The following STX1A variants were observed in gnomAD, a reference collection of about 807,000 sequenced individuals.
STX1A encodes syntaxin 1A.
STX1A carries 4 observed loss-of-function variants against 37.8 expected under a neutral mutation model. The observed-to-expected ratio is 0.11, with a 90% confidence interval of 0.05 to 0.24. The LOEUF (loss-of-function observed/expected upper bound fraction) is 0.24, where lower values mean the gene tolerates loss of function less well. Ranked by LOEUF, STX1A falls within the 10% of genes least tolerant of loss-of-function variation. The pLI, the probability that STX1A is intolerant of heterozygous loss-of-function variation, is 1.00. For synonymous variants in STX1A, 135 were observed against 147.4 expected (o/e 0.92, Z 0.61); for missense variants, 251 against 399.9 (o/e 0.63, Z 3.18).
rs1554616087 is a variant in STX1A at position 73,702,787 on chromosome 7, G to C, written c.678+58C>G. ...GTGTCGGGCAGAAAGGGCGAGGTTAGTGCAGCCCTGGGTGCTGGTGTGGGC... is the reference window on the plus strand; with the variant it reads ...GTGTCGGGCAGAAAGGGCGAGGTTACTGCAGCCCTGGGTGCTGGTGTGGGC... On this transcript the variant is annotated intron_variant, in intron 8 of 9. Coordinates refer to ENST00000222812, the MANE Select transcript of STX1A (RefSeq NM_004603.4). The surrounding 1 kb of genome is among the most constrained non-coding windows in gnomAD (Gnocchi z 4.7). 6.2e-7 allele frequency: 1 copy of C among 1,612,552 alleles called. No homozygotes were observed. Among genetic ancestry groups the C allele is most frequent in the Admixed American group, 1.7e-5 (1 of 59,964 alleles).
intron 8 of STX1A, 167 bp from the exon 9 acceptor site, chr7:73,701,007 G>C: frequency 7.2e-7 from 1 of 1,391,798 alleles, no homozygotes; most frequent in Non-Finnish European, 9.6e-7. Context: ...GTGGGGTGTA[G>C]AGGGCCAGGC....
chr7:73,705,342 C>A lies in STX1A; in HGVS notation c.209-118G>T. The A allele has an allele frequency of 1.2e-6, 1 of 839,446 alleles. No homozygotes were observed. The highest frequency in any genetic ancestry group is 2.0e-6 in the Non-Finnish European group (1 of 504,090). The allele number at this position is 839,446 out of a possible 1,614,324, so 52.0% of individuals were successfully genotyped here. ...GCTCTGGGAAGATCCCTGTTCTCCC[C>A]TGTTCCCCTGGCTAAGGCTCTGCCT... On this transcript the variant is annotated intron_variant, in intron 3 of 9. Coordinates refer to ENST00000222812, the MANE Select transcript of STX1A (RefSeq NM_004603.4). This position sits in a 1 kb window ranked among gnomAD's most constrained non-coding sequence, Gnocchi z 5.2.
intron 4 of STX1A, 70 bp from the exon 5 acceptor site, chr7:73,704,493 C>T (rs1310851219): frequency 1.3e-6 from 2 of 1,583,152 alleles, no homozygotes; most frequent in African/African-American, 1.3e-5. Context: ...GCACACCCAG[C>T]ATCTATCCAC....
At chr7:73,714,259 C>T (rs936055539) in intron 1 of STX1A, among the ~76,000 whole-genome samples, 1 of 152,152 alleles carries the variant, frequency 6.6e-6, no homozygotes, top group African/African-American at 2.4e-5. Flanking sequence ...CAGGCACCCG[C>T]ACCACACCCG....
Position 73,700,638 on chromosome 7 carries a change from A to C in STX1A, c.789+92T>G. The C allele has an allele frequency of 1.3e-6, 2 of 1,540,754 alleles. No individual in the cohort carries two copies. Among genetic ancestry groups the C allele is most frequent in the Admixed American group, 3.6e-5 (2 of 54,830 alleles). On this transcript the variant is annotated intron_variant, in intron 9 of 9. Transcript: ENST00000222812. The surrounding 1 kb of genome is among the most constrained non-coding windows in gnomAD (Gnocchi z 4.4). ...GCTGTCATGGGGAGCTCCTGAGAGA[A>C]GGGAGAGAGGTGGGATGGGGAGGGA...
At position 73,700,853 on chromosome 7, in the gene STX1A, G is replaced by A. The variant is rs1554615758; in HGVS notation, c.679-13C>T. The A allele has an allele frequency of 5.0e-6, 8 of 1,612,354 alleles. No individual in the cohort carries two copies. Among genetic ancestry groups the A allele is most frequent in the Non-Finnish European group, 6.8e-6 (8 of 1,179,950 alleles). ...CAATCATCTCTCCCTGCGGGGCCGG[G>A]GGCACCCGAGCTCCAGAGGGCCCCC... On this transcript the variant is annotated splice_polypyrimidine_tract_variant and intron_variant, in intron 8 of 9. Transcript: ENST00000222812. The surrounding 1 kb of genome is among the most constrained non-coding windows in gnomAD (Gnocchi z 4.4).
chr7:73,707,983 C>T (rs1304872637), intron 3 of STX1A, among the ~76,000 whole-genome samples: 6 of 137,254 alleles, frequency 4.4e-5, no homozygotes, highest in Non-Finnish European at 4.7e-5. Context: ...AAAGCCAGTT[C>T]GGCTGGGCGC....
chr7:73,714,014 T>G (rs1799196049), intron 1 of STX1A, among the ~76,000 whole-genome samples: 2 of 152,186 alleles, frequency 1.3e-5, no homozygotes, highest in Admixed American at 6.5e-5. Flanking sequence ...CCCCATCCTC[T>G]GAACTGCCTA....
chr7:73,703,005 G>A, intron 7 of STX1A, 23 bp from the exon 8 acceptor site: 1 of 1,571,808 alleles, frequency 6.4e-7, no homozygotes, highest in African/African-American at 1.3e-5. Context: ...GCAGGGGGCT[G>A]GGACCCAGAG....
At chr7:73,715,752 T>C (rs1200697370) in intron 1 of STX1A, among the ~76,000 whole-genome samples, 2 of 152,242 alleles carry the variant, frequency 1.3e-5, no homozygotes, top group South Asian at 4.1e-4. Context: ...GTGGCTGTTG[T>C]CTGCCTCGAG....
chr7:73,708,958 G>C lies in STX1A; in HGVS notation c.108+87C>G, dbSNP rs1053569599. Reference sequence around the variant, plus strand: ...GAGCTGCTGAGCCAGGTGCAGGTGTGAAAGAGCACTGAACCTGGCTCAGAG... The same window carrying C: ...GAGCTGCTGAGCCAGGTGCAGGTGTCAAAGAGCACTGAACCTGGCTCAGAG... On this transcript the variant is annotated intron_variant, in intron 2 of 9. Transcript: ENST00000222812. 6.9e-6 allele frequency: 10 copies of C among 1,445,812 alleles called. No individual in the cohort carries two copies. In the East Asian group the frequency reaches 2.3e-4, roughly 33 times the overall value. 89.6% of individuals were successfully genotyped at this position (1,445,812 alleles called of 1,614,324 possible).
intron 1 of STX1A, among the ~76,000 whole-genome samples, chr7:73,715,362 C>A (rs1445951882): frequency 9.2e-5 from 14 of 151,890 alleles, no homozygotes; most frequent in Non-Finnish European, 1.5e-5. Context: ...GTGGAGGCTG[C>A]AGTGAGCTGA....
Position 73,702,576 on chromosome 7 carries a change from A to C in STX1A, c.678+269T>G. 9.8e-7 allele frequency: 1 copy of C among 1,019,816 alleles called. No individual in the cohort carries two copies. Among genetic ancestry groups the C allele is most frequent in the Admixed American group, 3.1e-5 (1 of 31,806 alleles). The allele number at this position is 1,019,816 out of a possible 1,614,324, so 63.2% of individuals were successfully genotyped here. ...CGTGGCCCACAGTGGCCCCATGAGG[A>C]AACAGTAGTAGGGGAATGAGAGACG... On this transcript the variant is annotated intron_variant, in intron 8 of 9. Transcript: ENST00000222812. This position sits in a 1 kb window ranked among gnomAD's most constrained non-coding sequence, Gnocchi z 4.7.
rs537917711 is a variant in STX1A, at chr7:73,709,990, C to T, written c.31-868G>A. On this transcript the variant is annotated intron_variant, in intron 1 of 9. Transcript: ENST00000222812. This position sits in a 1 kb window ranked among gnomAD's most constrained non-coding sequence, Gnocchi z 4.2. Reference sequence around the variant, plus strand: ...CAAGCGATCCTCCTGCCTCAGCCTTCCAAAGCACTGGGATTGTAGGTGTGA... The same window carrying T: ...CAAGCGATCCTCCTGCCTCAGCCTTTCAAAGCACTGGGATTGTAGGTGTGA... Among the ~76,000 whole-genome samples, 5 of 152,356 alleles carry T rather than the reference C, an allele frequency of 3.3e-5. No homozygotes were observed. The South Asian group carries it at 8.3e-4, about 25-fold the overall frequency.
chr7:73,714,785 A>AC (rs1419687283), intron 1 of STX1A, among the ~76,000 whole-genome samples: 1 of 150,858 alleles, frequency 6.6e-6, no homozygotes, highest in African/African-American at 2.4e-5. Context: ...TAAAAAAAAA[A>AC]AACAAAAACG....
chr7:73,718,961 G>GCCC (rs577689799), intron 1 of STX1A, among the ~76,000 whole-genome samples: 36 of 145,640 alleles, frequency 2.5e-4, no homozygotes, highest in African/African-American at 8.8e-4. Flanking sequence ...CGGGTGTGAC[G>GCCC]CCCCCCCCCC....
At position 73,700,567 on chromosome 7, in the gene STX1A, C is replaced by G; in HGVS notation, c.790-83G>C. The G allele has an allele frequency of 6.5e-7, 1 of 1,546,152 alleles. No homozygotes were observed. Among genetic ancestry groups the G allele is most frequent in the Non-Finnish European group, 8.8e-7 (1 of 1,135,166 alleles). On this transcript the variant is annotated intron_variant, in intron 9 of 9. Coordinates refer to ENST00000222812, the MANE Select transcript of STX1A (RefSeq NM_004603.4). The surrounding 1 kb of genome is among the most constrained non-coding windows in gnomAD (Gnocchi z 4.4). ...ACTATGGCAAAGGCTGAGGACTGGA[C>G]AGTCGGGGGGGATCCAAGCAGGGGA...
At chr7:73,703,700 G>C (rs1427675701) in intron 7 of STX1A, 55 bp downstream of exon 7, 1 of 1,584,504 alleles carries the variant, frequency 6.3e-7, no homozygotes, top group African/African-American at 1.3e-5. Flanking sequence ...AGGGGTCATG[G>C]ACGTAGGGAA....
Position 73,702,023 on chromosome 7 carries a change from C to A in STX1A, c.678+822G>T, listed in dbSNP as rs533523174. Among the ~76,000 whole-genome samples the A allele has an allele frequency of 1.3e-4, 20 of 152,334 alleles. No individual in the cohort carries two copies. The South Asian group carries it at 4.1e-3, about 32-fold the overall frequency. ...GCCAAGGCCCCGTCCACCTCGTCTCCAGCTTCATCTCAGCTCCGACCACTC... is the reference window on the plus strand; with the variant it reads ...GCCAAGGCCCCGTCCACCTCGTCTCAAGCTTCATCTCAGCTCCGACCACTC... On this transcript the variant is annotated intron_variant, in intron 8 of 9. Coordinates refer to ENST00000222812, the MANE Select transcript of STX1A (RefSeq NM_004603.4). This position sits in a 1 kb window ranked among gnomAD's most constrained non-coding sequence, Gnocchi z 4.7.
Sources: gnomAD v4.1 joint callset for allele counts (sites outside exome capture counted in the v4.1 genomes callset) on GRCh38, gnomAD v4.1.1 for gene constraint, Gnocchi (gnomAD v3.1) non-coding constraint, MANE v1.5 for transcripts, NCBI Gene and HGNC (gene_info 2026-07-23, HGNC 2026-07-21) for gene names.